The following KRT73 variants were observed in gnomAD, a reference collection of about 807,000 sequenced individuals.
KRT73 encodes keratin 73, also known as keratin, type II cytoskeletal 73.
KRT73 carries 44 observed loss-of-function variants against 47.2 expected under a neutral mutation model. The observed-to-expected ratio is 0.93, with a 90% CI of 0.73 to 1.20. KRT73 has a LOEUF of 1.20. KRT73 is among the 50% of genes most tolerant of loss of function. KRT73 has a pLI of 0.00. For synonymous variants in KRT73, 285 were observed against 291.3 expected, an observed-to-expected ratio of 0.98 and a Z score of 0.22; for missense variants, 713 against 704.5, an observed-to-expected ratio of 1.01 and a Z score of -0.14.
chr12:52,610,125 G>A (rs1940663651), intron 7 of KRT73: 1 of 172,096 alleles, frequency 5.8e-6, no homozygotes, highest in Non-Finnish European at 1.3e-5. Flanking sequence ...ACCCAAGCTG[G>A]AGGACAGTAG....
chr12:52,616,040 A>G, intron 2 of KRT73, 126 bp downstream of exon 2: 1 of 1,165,774 alleles, frequency 8.6e-7, no homozygotes, highest in Non-Finnish European at 1.2e-6. Flanking sequence ...CGTTGCCCAT[A>G]GAAGGCTCTC....
At chr12:52,621,498 C>T, upstream of KRT73, among the ~76,000 whole-genome samples, 1 of 152,118 alleles carries the variant, frequency 6.6e-6, no homozygotes, top group East Asian at 1.9e-4. Context: ...CCAACAGGGA[C>T]CTCAGGACCC....
At chr12:52,623,938 A>G in the KRT73 span, among the ~76,000 whole-genome samples, 11 of 152,074 alleles carry the variant, frequency 7.2e-5, no homozygotes, top group Admixed American at 6.5e-4. Flanking sequence ...CAATTAGAAA[A>G]CAAAAATTTA....
intron 6 of KRT73, 154 bp downstream of exon 6, chr12:52,611,050 T>C (rs1940690120): frequency 9.3e-7 from 1 of 1,071,306 alleles, no homozygotes; most frequent in Non-Finnish European, 1.4e-6. Flanking sequence ...TGTTCCAAAC[T>C]TCAGATGGGA....
In KRT73 at chr12:52,618,487, G is replaced by T. The variant is rs1028650145; in HGVS notation, c.38C>A (p.Ala13Asp). Residue 13 changes from alanine (A) to aspartate (D), a missense_variant, in exon 1 of 9, where the codon GCC (alanine) becomes GAC (aspartate). Ala to Asp is a moderately radical substitution (Grantham distance 126). Coordinates refer to ENST00000305748, the MANE Select transcript of KRT73 (RefSeq NM_175068.3). ...RQFTYKSGAAAKGGFSGCSAV... is the reference protein window; with the variant it reads ...RQFTYKSGAADKGGFSGCSAV... ...GGAGCAGCCGCTGAAGCCCCCCTTG[G>T]CAGCAGCTCCCGACTTGTAGGTGAA... The T allele has an allele frequency of 1.9e-6, 3 of 1,611,226 alleles. No homozygotes were observed. Among genetic ancestry groups the T allele is most frequent in the Non-Finnish European group, 1.7e-6 (2 of 1,178,574 alleles).
chr12:52,620,061 A>G (rs561797161), upstream of KRT73, among the ~76,000 whole-genome samples: 1 of 151,236 alleles, frequency 6.6e-6, no homozygotes, highest in East Asian at 1.9e-4. Flanking sequence ...TGCCACTTGG[A>G]AGTCCTTTAA....
Position 52,608,156 on chromosome 12 carries a change from G to A in KRT73, c.*40C>T. 1.3e-6 allele frequency: 2 copies of A among 1,573,292 alleles called. No homozygotes were observed. Among genetic ancestry groups the A allele is most frequent in the Non-Finnish European group, 8.6e-7 (1 of 1,157,460 alleles). On this transcript the variant is annotated 3_prime_UTR_variant, in exon 9 of 9. Transcript: ENST00000305748. ...TAGAAGAGTCCGGAGCAGTCTGCCAGGGCAAGGCAGACTACTGGGAAATGG... is the reference window on the plus strand; with the variant it reads ...TAGAAGAGTCCGGAGCAGTCTGCCAAGGCAAGGCAGACTACTGGGAAATGG...
intron 7 of KRT73, 86 bp downstream of exon 7, chr12:52,610,529 G>GCACCCCCCCCCC: frequency 3.4e-6 from 1 of 295,154 alleles, no homozygotes; most frequent in Non-Finnish European, 6.8e-6. Context: ...CCAGCTCGCC[G>GCACCCCCCCCCC]CCCCCTCCCC....
At chr12:52,619,683 C>T (rs780144359), upstream of KRT73, among the ~76,000 whole-genome samples, 2 of 152,094 alleles carry the variant, frequency 1.3e-5, no homozygotes, top group Non-Finnish European at 2.9e-5. Context: ...TCTTGGGTCC[C>T]GAATTATGAA....
At chr12:52,614,010 C>T in intron 4 of KRT73, 158 bp from the exon 5 acceptor site, 1 of 1,087,954 alleles carries the variant, frequency 9.2e-7, no homozygotes, top group African/African-American at 1.6e-5. Context: ...CCCAGAGGTT[C>T]CAATACCACA....
At chr12:52,625,429 A>G in the KRT73 span, among the ~76,000 whole-genome samples, 1 of 152,202 alleles carries the variant, frequency 6.6e-6, no homozygotes, top group Non-Finnish European at 1.5e-5. Flanking sequence ...TTAAGCCACA[A>G]TGAGATATTA....
At chr12:52,610,528 C>CT in intron 7 of KRT73, 87 bp downstream of exon 7, 2 of 310,072 alleles carry the variant, frequency 6.5e-6, no homozygotes, top group Non-Finnish European at 1.3e-5. Context: ...GCCAGCTCGC[C>CT]GCCCCCTCCC....
intron 1 of KRT73, among the ~76,000 whole-genome samples, chr12:52,617,304 C>T (rs1272978573): frequency 1.3e-5 from 2 of 152,202 alleles, no homozygotes; most frequent in Non-Finnish European, 2.9e-5. Flanking sequence ...CTTTGTTCCT[C>T]AGTGATTCTC....
the KRT73 span, among the ~76,000 whole-genome samples, chr12:52,626,707 T>C: frequency 3.3e-4 from 50 of 152,328 alleles, no homozygotes; most frequent in South Asian, 6.2e-4. Context: ...TCAGCTATGC[T>C]CTGCCTGCTA....
chr12:52,612,125 T>C (rs1940715605), intron 5 of KRT73, among the ~76,000 whole-genome samples: 2 of 152,242 alleles, frequency 1.3e-5, no homozygotes, highest in South Asian at 4.1e-4. Flanking sequence ...GCTGTCCATC[T>C]GTATTTTCTG....
the KRT73 span, among the ~76,000 whole-genome samples, chr12:52,626,204 A>C: frequency 1.3e-5 from 2 of 152,244 alleles, no homozygotes; most frequent in Admixed American, 1.3e-4. Context: ...TAATCTTCAA[A>C]ATAACCCCAT....
chr12:52,610,893 T>A, intron 6 of KRT73, 58 bp from the exon 7 acceptor site: 2 of 1,403,086 alleles, frequency 1.4e-6, no homozygotes, highest in Non-Finnish European at 9.9e-7. Flanking sequence ...GCTTCACCTC[T>A]CCCATGCTCT....
In KRT73 at chr12:52,610,639, T is replaced by C; in HGVS notation, c.1307A>G (p.Lys436Arg). 1 of 1,510,806 alleles carries C rather than the reference T, an allele frequency of 6.6e-7. No homozygotes were observed. The highest frequency in any genetic ancestry group is 9.0e-7 in the Non-Finnish European group (1 of 1,115,098). The allele number at this position is 1,510,806 out of a possible 1,614,324, so 93.6% of individuals were successfully genotyped here. A position where few individuals can be genotyped will look rare whatever the true frequency, so the allele number is the denominator to read the frequency against. Residue 436 changes from lysine to arginine, a missense_variant, in exon 7 of 9, where the codon AAG becomes AGG. Lys to Arg is a conservative substitution (Grantham distance 26). Transcript: ENST00000305748. ...CCTGCACTCCTCGCCCTCCAGCAGC[T>C]TGCGGTAGGTGGCGATCTCAATATC... is the stretch of plus-strand genomic sequence containing the variant. ...SLDIEIATYR[K>R]LLEGEECRMS...
chr12:52,628,430 C>T, the KRT73 span, among the ~76,000 whole-genome samples: 1 of 152,016 alleles, frequency 6.6e-6, no homozygotes, highest in Non-Finnish European at 1.5e-5. Context: ...CCAGGGTCTA[C>T]GAATCCGTGG....
Sources: allele counts gnomAD v4.1 joint callset (sites outside exome capture counted in the v4.1 genomes callset), GRCh38; gene constraint gnomAD v4.1.1; transcripts MANE v1.5; gene names NCBI Gene and HGNC (gene_info 2026-07-23, HGNC 2026-07-21).